The following CTDSPL2 variants were observed in gnomAD, a reference collection of about 807,000 sequenced individuals.
CTDSPL2 encodes the protein CTD small phosphatase-like protein 2.
CTDSPL2 carries 5 observed loss-of-function variants against 60.0 expected under a neutral mutation model. The ratio of observed to expected loss-of-function variants is 0.08; its 90% CI spans 0.04 to 0.18. The LOEUF is 0.18. Among genes scored for constraint, CTDSPL2 ranks in the 10% least tolerant of loss-of-function variants. The probability of loss-of-function intolerance (pLI) is 1.00; values close to 1 mark genes in which losing one functional copy is unlikely to be tolerated. For synonymous variants in CTDSPL2, 186 were observed against 189.3 expected, an observed-to-expected ratio of 0.98 and a Z score of 0.14; for missense variants, 370 against 548.8, an observed-to-expected ratio of 0.67 and a Z score of 3.26.
chr15:44,456,222 G>A (rs181292874), intron 1 of CTDSPL2, among the ~76,000 whole-genome samples: 7 of 152,176 alleles, frequency 4.6e-5, no homozygotes, highest in East Asian at 1.9e-4. Context: ...TTGTGTCTCC[G>A]CCAGGCTTTG....
At chr15:44,520,295 C>T (rs563675025) in intron 11 of CTDSPL2, 5 of 151,698 alleles carry the variant, frequency 3.3e-5, no homozygotes, top group South Asian at 4.2e-4. Flanking sequence ...TACAGGTGCG[C>T]GCCACTATGC....
intron 2 of CTDSPL2, among the ~76,000 whole-genome samples, chr15:44,476,677 G>A (rs1280226473): frequency 2.6e-5 from 4 of 152,046 alleles, no homozygotes; most frequent in Non-Finnish European, 5.9e-5. Flanking sequence ...GTAGTTTGCC[G>A]AACAGGTGGG....
Position 44,513,559 on chromosome 15 carries a change from T to TG in CTDSPL2, c.970-1034dup, listed in dbSNP as rs565336120. Reference sequence around the variant, plus strand: ...CATTCCTAGAACTAGATTTTTGTCATGGGGGCATTTTTGTGTGCATGTATA... The same window carrying TG: ...CATTCCTAGAACTAGATTTTTGTCATGGGGGGCATTTTTGTGTGCATGTATA... On this transcript the variant is annotated intron_variant, in intron 8 of 12. Transcript: ENST00000260327. Among the ~76,000 whole-genome samples, 681 of 152,316 alleles carry TG rather than the reference T, an allele frequency of 4.5e-3. 4 individuals are homozygous for TG. The highest frequency in any genetic ancestry group is 0.016 in the African/African-American group (648 of 41,560).
intron 8 of CTDSPL2, among the ~76,000 whole-genome samples, chr15:44,512,298 A>G (rs1180004935): frequency 6.6e-6 from 1 of 152,202 alleles, no homozygotes. Flanking sequence ...GGGACACTCA[A>G]CCTGTATATG....
intron 5 of CTDSPL2, among the ~76,000 whole-genome samples, chr15:44,492,451 C>A (rs1310817373): frequency 6.6e-6 from 1 of 152,162 alleles, no homozygotes; most frequent in African/African-American, 2.4e-5. Context: ...ATGGGTTTAT[C>A]AGGGTGTTAA....
intron 1 of CTDSPL2, among the ~76,000 whole-genome samples, chr15:44,435,343 G>T (rs1057444555): frequency 4.6e-5 from 7 of 151,870 alleles, no homozygotes; most frequent in African/African-American, 1.5e-4. Flanking sequence ...GCCAAGGCAG[G>T]TGGATCACCT....
intron 2 of CTDSPL2, among the ~76,000 whole-genome samples, chr15:44,482,972 C>G (rs2081053990): frequency 6.6e-6 from 1 of 151,990 alleles, no homozygotes; most frequent in South Asian, 2.1e-4. Flanking sequence ...TAGAAAATCA[C>G]TCATGTGGCT....
Position 44,527,383 on chromosome 15 carries a change from C to T in CTDSPL2, c.*3209C>T, listed in dbSNP as rs2288341. ...TTTCATTCAACCTTCTAAAGAAGTTCGTTTCTCATTGTTTTGTTCTGTCAA... is the reference window on the plus strand; with the variant it reads ...TTTCATTCAACCTTCTAAAGAAGTTTGTTTCTCATTGTTTTGTTCTGTCAA... On this transcript the variant is annotated 3_prime_UTR_variant, in exon 13 of 13. Transcript: ENST00000260327. 4,380 of 151,964 alleles carry T rather than the reference C, an allele frequency of 0.029. 101 individuals carry two copies. Among genetic ancestry groups the T allele is most frequent in the East Asian group, 0.099 (508 of 5,144 alleles). The allele number at this position is 151,964 out of a possible 1,614,324, so 9.4% of individuals were successfully genotyped here.
chr15:44,458,988 T>C lies in CTDSPL2; in HGVS notation c.-24-3T>C. Reference sequence around the variant, plus strand: ...TATTACATTTATTATTTTTCTCTTTTAGTTTTACATGTGGCACCCATAAAA... The same window carrying C: ...TATTACATTTATTATTTTTCTCTTTCAGTTTTACATGTGGCACCCATAAAA... On this transcript the variant is annotated splice_polypyrimidine_tract_variant and splice_region_variant and intron_variant, in intron 1 of 12. Coordinates refer to ENST00000260327, the MANE Select transcript of CTDSPL2 (RefSeq NM_016396.3). 6.7e-7 allele frequency: 1 copy of C among 1,482,230 alleles called. No individual in the cohort carries two copies. Among genetic ancestry groups the C allele is most frequent in the Non-Finnish European group, 9.0e-7 (1 of 1,111,836 alleles). 91.8% of individuals were successfully genotyped at this position (1,482,230 alleles called of 1,614,324 possible).
chr15:44,440,178 T>C (rs1359049291), intron 1 of CTDSPL2, among the ~76,000 whole-genome samples: 1 of 149,760 alleles, frequency 6.7e-6, no homozygotes, highest in Non-Finnish European at 1.5e-5. Flanking sequence ...TAAAGTTGTT[T>C]TTTTGTTTGT....
At chr15:44,510,392 C>T (rs2140856059) in intron 8 of CTDSPL2, among the ~76,000 whole-genome samples, 1 of 152,196 alleles carries the variant, frequency 6.6e-6, no homozygotes, top group East Asian at 1.9e-4. Context: ...AAGTAGTAGT[C>T]AATCTTGAAT....
rs3752691 is a variant in CTDSPL2, at chr15:44,521,413, G to A, written c.1335+7G>A. On this transcript the variant is annotated splice_region_variant and intron_variant, in intron 12 of 12. Coordinates refer to ENST00000260327, the MANE Select transcript of CTDSPL2 (RefSeq NM_016396.3). ...GGAGAAGCTTGTAGAACTGGTAAGT[G>A]TAGCTTATCTTTTTCTGTTGTGTTT... 0.012 allele frequency: 17,502 copies of A among 1,422,340 alleles called. 781 individuals carry two copies. Among genetic ancestry groups the A allele is most frequent in the East Asian group, 0.11 (4,867 of 43,324 alleles). 88.1% of individuals were successfully genotyped at this position (1,422,340 alleles called of 1,614,324 possible). A position where few individuals can be genotyped will look rare whatever the true frequency, so the allele number is the denominator to read the frequency against.
chr15:44,484,704 C>G (rs2081088933), intron 3 of CTDSPL2, among the ~76,000 whole-genome samples: 1 of 152,188 alleles, frequency 6.6e-6, no homozygotes, highest in South Asian at 2.1e-4. Context: ...TGTGCCACTA[C>G]ACTCCAGCCT....
chr15:44,473,437 A>G (rs2080850766), intron 2 of CTDSPL2, among the ~76,000 whole-genome samples: 1 of 152,112 alleles, frequency 6.6e-6, no homozygotes, highest in African/African-American at 2.4e-5. Context: ...CTGGGACTAC[A>G]GGCGCCCGCC....
intron 5 of CTDSPL2, among the ~76,000 whole-genome samples, chr15:44,491,929 T>C (rs908986987): frequency 6.6e-6 from 1 of 152,022 alleles, no homozygotes; most frequent in African/African-American, 2.4e-5. Context: ...AGTGGCATGA[T>C]CTTGGCTCAC....
intron 2 of CTDSPL2, 48 bp from the exon 3 acceptor site, chr15:44,484,176 G>C: frequency 2.0e-6 from 3 of 1,513,568 alleles, no homozygotes; most frequent in Non-Finnish European, 2.7e-6. Context: ...TAACCTGTAA[G>C]GCAGAATGAT....
At chr15:44,439,347 C>A (rs2080037086) in intron 1 of CTDSPL2, among the ~76,000 whole-genome samples, 2 of 151,820 alleles carry the variant, frequency 1.3e-5, no homozygotes, top group East Asian at 3.9e-4. Context: ...CGGGGTTTCA[C>A]CATATTGACC....
chr15:44,454,242 C>G (rs2080389130), intron 1 of CTDSPL2, among the ~76,000 whole-genome samples: 1 of 152,186 alleles, frequency 6.6e-6, no homozygotes, highest in Non-Finnish European at 1.5e-5. Context: ...AGAGGAGTGT[C>G]TGTTAATATC....
Position 44,525,513 on chromosome 15 carries a change from T to G in CTDSPL2, c.*1339T>G, listed in dbSNP as rs2081858498. ...TAACATGCCACAGGCTCAGACTGTT[T>G]TTGTGTAAAGGATGTCAAAGAACGG... On this transcript the variant is annotated 3_prime_UTR_variant, in exon 13 of 13. Transcript: ENST00000260327. 1.3e-5 allele frequency: 5 copies of G among 398,892 alleles called. No individual in the cohort carries two copies. In the East Asian group the frequency reaches 1.8e-4, roughly 14 times the overall value. 24.7% of individuals were successfully genotyped at this position (398,892 alleles called of 1,614,324 possible).
Sources: allele counts gnomAD v4.1 joint callset (sites outside exome capture counted in the v4.1 genomes callset), GRCh38; gene constraint gnomAD v4.1.1; transcripts MANE v1.5; gene names NCBI Gene and HGNC (gene_info 2026-07-23, HGNC 2026-07-21).